PTPRT: variants seen among roughly 807,000 people sequenced by gnomAD.
The protein encoded by PTPRT is protein tyrosine phosphatase receptor type T.
In PTPRT, 56 loss-of-function variants were observed where a neutral mutation model predicts 176.8. The ratio of observed to expected loss-of-function variants is 0.32; its 90% confidence interval spans 0.26 to 0.40. The LOEUF (loss-of-function observed/expected upper bound fraction) is 0.40, where lower values mean the gene tolerates loss of function less well. Ranked by LOEUF, PTPRT falls within the 10% of genes least tolerant of loss-of-function variation. The probability of loss-of-function intolerance (pLI) is 1.00; values close to 1 mark genes in which losing one functional copy is unlikely to be tolerated. For missense variants in PTPRT, 1,540 were observed against 1,908.2 expected (o/e 0.81, Z 3.60); for synonymous variants, 783 against 739.0 (o/e 1.06, Z -0.96).
chr20:42,700,035 C>T (rs1337489077), intron 6 of PTPRT, among the ~76,000 whole-genome samples: 1 of 152,126 alleles, frequency 6.6e-6, no homozygotes, highest in East Asian at 1.9e-4. Context: ...AGACCCTGAC[C>T]CCTGATTTCT....
At chr20:43,118,347 A>AT (rs888384747) in intron 1 of PTPRT, among the ~76,000 whole-genome samples, 6 of 152,096 alleles carry the variant, frequency 3.9e-5, no homozygotes, top group African/African-American at 1.2e-4. Flanking sequence ...AATTCAGGTC[A>AT]TTTTTTTGGC....
chr20:42,459,679 A>C (rs1294129187), intron 8 of PTPRT, among the ~76,000 whole-genome samples: 2 of 152,176 alleles, frequency 1.3e-5, no homozygotes, highest in Non-Finnish European at 2.9e-5. Context: ...AAAGCAATAA[A>C]GGGTGAAGAG....
chr20:42,641,799 C>A (rs1358962978), intron 7 of PTPRT, among the ~76,000 whole-genome samples: 2 of 152,090 alleles, frequency 1.3e-5, no homozygotes, highest in African/African-American at 4.8e-5. Flanking sequence ...TGATATGATA[C>A]CTCCATGCCC....
intron 27 of PTPRT, among the ~76,000 whole-genome samples, chr20:42,086,747 A>ATATATATATATATATATATAT (rs59722053): frequency 1.7e-5 from 1 of 58,750 alleles, no homozygotes; most frequent in African/African-American, 7.7e-5. Context: ...AAAAAAAAAA[A>ATATATATATATATATATATAT]AAAAAAATAT....
intron 1 of PTPRT, among the ~76,000 whole-genome samples, chr20:43,165,729 A>G (rs1452474792): frequency 6.6e-6 from 1 of 152,190 alleles, no homozygotes; most frequent in African/African-American, 2.4e-5. Flanking sequence ...AAGTGGAGCA[A>G]TTTAAAATGG....
At chr20:42,516,267 T>G (rs1195588085) in intron 7 of PTPRT, among the ~76,000 whole-genome samples, 1 of 144,908 alleles carries the variant, frequency 6.9e-6, no homozygotes, top group East Asian at 2.0e-4. Context: ...AAAAATAAAT[T>G]AAAAAAAAAA....
intron 17 of PTPRT, among the ~76,000 whole-genome samples, chr20:42,143,222 T>C (rs563413253): frequency 7.9e-5 from 12 of 152,232 alleles, no homozygotes; most frequent in African/African-American, 2.6e-4. Flanking sequence ...GAACACAGGC[T>C]CTGGGAGGGG....
chr20:43,021,726 A>T (rs1337263086), intron 1 of PTPRT, among the ~76,000 whole-genome samples: 1 of 151,744 alleles, frequency 6.6e-6, no homozygotes, highest in Non-Finnish European at 1.5e-5. Flanking sequence ...TAACACCTGC[A>T]CTCAACTGTA....
Position 42,074,944 on chromosome 20 carries a change from A to T in PTPRT, c.*5935T>A, listed in dbSNP as rs1982626819. The T allele has an allele frequency of 2.5e-6, 1 of 397,324 alleles. No homozygotes were observed. The highest frequency in any genetic ancestry group is 4.4e-6 in the Non-Finnish European group (1 of 225,464). The allele number at this position is 397,324 out of a possible 1,614,324, so 24.6% of individuals were successfully genotyped here. ...AGATATCTCTGCTGTGCTTCGGAGG[A>T]TCAGATCCATGATCCTGAAAAATGT... is the stretch of plus-strand genomic sequence containing the variant. On this transcript the variant is annotated 3_prime_UTR_variant, in exon 31 of 31. Coordinates refer to ENST00000373187, the MANE Select transcript of PTPRT (RefSeq NM_007050.6).
At chr20:42,487,947 T>C (rs1245520726) in intron 7 of PTPRT, among the ~76,000 whole-genome samples, 2 of 152,240 alleles carry the variant, frequency 1.3e-5, no homozygotes, top group Non-Finnish European at 2.9e-5. Flanking sequence ...AATGAGTTCT[T>C]GTAAAATACA....
chr20:42,883,620 C>T (rs1357043819), intron 2 of PTPRT, among the ~76,000 whole-genome samples: 2 of 80,270 alleles, frequency 2.5e-5, no homozygotes, highest in Admixed American at 1.4e-4. Context: ...TGAATACACA[C>T]ACACCCATAC....
intron 9 of PTPRT, among the ~76,000 whole-genome samples, chr20:42,428,327 T>G (rs1010992953): frequency 6.6e-6 from 1 of 152,234 alleles, no homozygotes; most frequent in African/African-American, 2.4e-5. Flanking sequence ...CAGGTTAGGT[T>G]TCTTTTCATT....
chr20:42,932,702 AG>A (rs901851406), intron 1 of PTPRT, among the ~76,000 whole-genome samples: 4 of 152,226 alleles, frequency 2.6e-5, no homozygotes, highest in African/African-American at 9.6e-5. Context: ...GCACCAGCCC[AG>A]GCTCTGGCGG....
chr20:43,022,664 C>A (rs1011293285), intron 1 of PTPRT, among the ~76,000 whole-genome samples: 1 of 152,134 alleles, frequency 6.6e-6, no homozygotes, highest in African/African-American at 2.4e-5. Context: ...TGCATTATGG[C>A]AGGGGAGGAG....
chr20:43,006,323 T>C (rs1307821957), intron 1 of PTPRT, among the ~76,000 whole-genome samples: 1 of 152,250 alleles, frequency 6.6e-6, no homozygotes, highest in Non-Finnish European at 1.5e-5. Context: ...TTGTGTGAGA[T>C]ACTTAAAATT....
chr20:42,973,545 C>A (rs1982779155), intron 1 of PTPRT, among the ~76,000 whole-genome samples: 1 of 152,186 alleles, frequency 6.6e-6, no homozygotes. Flanking sequence ...CATTGCCTCT[C>A]TCTTCTCCAA....
chr20:42,098,140 A>G (rs572680608), intron 27 of PTPRT, among the ~76,000 whole-genome samples: 1 of 152,276 alleles, frequency 6.6e-6, no homozygotes, highest in East Asian at 1.9e-4. Context: ...TTGGAGCAAG[A>G]CAATAATCAA....
intron 7 of PTPRT, among the ~76,000 whole-genome samples, chr20:42,493,607 C>T (rs2071599155): frequency 6.6e-6 from 1 of 152,010 alleles, no homozygotes; most frequent in Non-Finnish European, 1.5e-5. Context: ...GCCTAAGGTC[C>T]TAATCACAAT....
At chr20:42,225,578 G>GA (rs937835159) in intron 15 of PTPRT, among the ~76,000 whole-genome samples, 4 of 152,042 alleles carry the variant, frequency 2.6e-5, no homozygotes, top group African/African-American at 9.7e-5. Flanking sequence ...ATTAAGTTAT[G>GA]AAAAAAAGTG....
Sources: allele counts gnomAD v4.1 joint callset (sites outside exome capture counted in the v4.1 genomes callset), GRCh38; gene constraint gnomAD v4.1.1; transcripts MANE v1.5; gene names NCBI Gene and HGNC (gene_info 2026-07-23, HGNC 2026-07-21).